The following SCIMP variants were observed in gnomAD, a reference collection of about 807,000 sequenced individuals.
SCIMP encodes the protein SLP adaptor and CSK interacting membrane protein.
In SCIMP, 18 loss-of-function variants were observed where a neutral mutation model predicts 22.0. The ratio of observed to expected loss-of-function variants is 0.82; its 90% CI spans 0.56 to 1.21. SCIMP has a LOEUF of 1.21. SCIMP is among the 50% of genes most tolerant of loss of function. The pLI, the probability that SCIMP is intolerant of heterozygous loss-of-function variation, is 0.00. For missense variants in SCIMP, 155 were observed against 171.2 expected (o/e 0.91, Z 0.53); for synonymous variants, 53 against 62.2 (o/e 0.85, Z 0.70).
Position 5,226,227 on chromosome 17 carries a change from T to A in SCIMP, c.22-2771A>T, listed in dbSNP as rs551753725. ...CTTTTCGTTATAAACTCTGCATTACTTGATTTTTGCACTACGTACATTTAC... is the reference window on the plus strand; with the variant it reads ...CTTTTCGTTATAAACTCTGCATTACATGATTTTTGCACTACGTACATTTAC... On this transcript the variant is annotated intron_variant, in intron 1 of 4. Coordinates refer to ENST00000574081, the MANE Select transcript of SCIMP (RefSeq NM_207103.3). Among the ~76,000 whole-genome samples the A allele has an allele frequency of 2.0e-5, 3 of 152,278 alleles. No homozygotes were observed. In the East Asian group the frequency reaches 5.8e-4, roughly 29 times the overall value.
intron 3 of SCIMP, among the ~76,000 whole-genome samples, chr17:5,218,222 C>T (rs2074580019): frequency 1.3e-5 from 2 of 151,952 alleles, no homozygotes; most frequent in Non-Finnish European, 2.9e-5. Context: ...TATGGGTCCC[C>T]ACTATGTTGC....
rs757341328 is a variant in SCIMP, at chr17:5,234,806, C to T, written c.-51G>A. On this transcript the variant is annotated 5_prime_UTR_variant, in exon 1 of 5. It adds an upstream start codon to the 5' untranslated region. Transcript: ENST00000574081. ...TGGCTGGAGTGCTGCAGCTCAGGCA[C>T]AGCTGGTGAGAGGCATTCCTCACTC... is the stretch of plus-strand genomic sequence containing the variant. 12 of 1,588,976 alleles carry T rather than the reference C, an allele frequency of 7.6e-6. No homozygotes were observed. The highest frequency in any genetic ancestry group is 9.4e-6 in the Non-Finnish European group (11 of 1,167,534).
intron 3 of SCIMP, among the ~76,000 whole-genome samples, chr17:5,217,744 A>C (rs1199534682): frequency 6.6e-6 from 1 of 151,626 alleles, no homozygotes; most frequent in Admixed American, 6.6e-5. Flanking sequence ...ACATGAACTC[A>C]TCATTTTTTA....
At chr17:5,215,254 G>T (rs541274205) in intron 3 of SCIMP, 9 of 390,884 alleles carry the variant, frequency 2.3e-5, no homozygotes, top group Non-Finnish European at 4.2e-5. Context: ...TCAGAGCATG[G>T]AGCACACCTT....
At chr17:5,214,622 C>T (rs557474435) in intron 4 of SCIMP, 6 of 279,136 alleles carry the variant, frequency 2.1e-5, no homozygotes, top group East Asian at 1.2e-4. Context: ...CGGTGGATCA[C>T]GAGGTCAGGA....
rs8068697 is a variant in SCIMP, at chr17:5,227,067, C to T, written c.22-3611G>A. Among the ~76,000 whole-genome samples, 1,340 of 152,150 alleles carry T rather than the reference C, an allele frequency of 8.8e-3. 21 individuals carry two copies. Among genetic ancestry groups the T allele is most frequent in the African/African-American group, 0.031 (1,280 of 41,508 alleles). On this transcript the variant is annotated intron_variant, in intron 1 of 4. Transcript: ENST00000574081. The stretch of plus-strand genomic sequence containing the variant: ...GAAAGCTGGATCCTACCTGTGCTGG[C>T]AGACCTGGAGTTGTTGCCACAGAGG...
At chr17:5,227,349 G>A (rs2144339346) in intron 1 of SCIMP, among the ~76,000 whole-genome samples, 1 of 149,118 alleles carries the variant, frequency 6.7e-6, no homozygotes, top group Middle Eastern at 3.4e-3. Flanking sequence ...AGGTGTGGCG[G>A]CATGTGCCTA....
intron 1 of SCIMP, among the ~76,000 whole-genome samples, chr17:5,224,806 G>T (rs534959277): frequency 7.2e-5 from 11 of 152,256 alleles, no homozygotes; most frequent in African/African-American, 2.4e-4. Context: ...GCAGGGGAGA[G>T]AAATTTTGAG....
At chr17:5,232,872 G>A (rs2585289) in intron 1 of SCIMP, among the ~76,000 whole-genome samples, 2,899 of 152,098 alleles carry the variant, frequency 0.019, 43 homozygotes, top group Non-Finnish European at 0.03. Flanking sequence ...ACCATACCCG[G>A]CTAATTTTTG....
chr17:5,218,516 T>C (rs2074582370), intron 3 of SCIMP, among the ~76,000 whole-genome samples: 1 of 152,068 alleles, frequency 6.6e-6, no homozygotes, highest in Non-Finnish European at 1.5e-5. Context: ...ATTTCTGTAT[T>C]TTTAGTAGAG....
At chr17:5,231,802 C>G (rs987239183) in intron 1 of SCIMP, among the ~76,000 whole-genome samples, 2 of 152,246 alleles carry the variant, frequency 1.3e-5, no homozygotes, top group African/African-American at 4.8e-5. Context: ...CGCCTGTAAT[C>G]CCAGCACTTT....
intron 1 of SCIMP, among the ~76,000 whole-genome samples, chr17:5,225,864 C>T (rs937177030): frequency 6.6e-6 from 1 of 151,828 alleles, no homozygotes; most frequent in African/African-American, 2.4e-5. Context: ...CGACTGACGT[C>T]TGGGGAGTTG....
intron 4 of SCIMP, among the ~76,000 whole-genome samples, chr17:5,212,382 C>A (rs1363383766): frequency 6.6e-6 from 1 of 152,056 alleles, no homozygotes; most frequent in Non-Finnish European, 1.5e-5. Flanking sequence ...CGCCTGTAAT[C>A]CCAGCACTTT....
chr17:5,215,125 A>G, intron 3 of SCIMP, 127 bp from the exon 4 acceptor site: 1 of 652,950 alleles, frequency 1.5e-6, no homozygotes. Flanking sequence ...TACTAATTGG[A>G]AGCATTTCCT....
At chr17:5,215,347 G>A (rs1035732940) in intron 3 of SCIMP, 20 of 187,988 alleles carry the variant, frequency 1.1e-4, no homozygotes, top group Non-Finnish European at 1.3e-4. Flanking sequence ...GCATGGTGGC[G>A]CATGCCTGTA....
At chr17:5,226,214 A>G (rs1007337137) in intron 1 of SCIMP, among the ~76,000 whole-genome samples, 1 of 152,246 alleles carries the variant, frequency 6.6e-6, no homozygotes, top group Admixed American at 6.5e-5. Context: ...TTTCGTTATA[A>G]ACTCTGCATT....
At chr17:5,232,280 G>A (rs2074704180) in intron 1 of SCIMP, among the ~76,000 whole-genome samples, 1 of 145,966 alleles carries the variant, frequency 6.9e-6, no homozygotes, top group South Asian at 2.1e-4. Context: ...GGTAAAGTCT[G>A]CTGCATCTGC....
chr17:5,211,524 CAAA>C (rs34444793), intron 4 of SCIMP, among the ~76,000 whole-genome samples: 1 of 132,786 alleles, frequency 7.5e-6, no homozygotes, highest in Admixed American at 7.6e-5. Flanking sequence ...ACCCTGTCTC[CAAA>C]AAAAAAAAAA....
At chr17:5,230,247 A>G (rs1347286642) in intron 1 of SCIMP, among the ~76,000 whole-genome samples, 1 of 152,210 alleles carries the variant, frequency 6.6e-6, no homozygotes, top group Admixed American at 6.6e-5. Context: ...CTCTGTGTGC[A>G]GAAGATCACC....
Sources: gnomAD v4.1 joint callset for allele counts (sites outside exome capture counted in the v4.1 genomes callset) on GRCh38, gnomAD v4.1.1 for gene constraint, MANE v1.5 for transcripts, NCBI Gene and HGNC (gene_info 2026-07-23, HGNC 2026-07-21) for gene names.